PAWR: variants seen among roughly 807,000 people sequenced by gnomAD.
PAWR encodes the protein pro-apoptotic WT1 regulator.
A neutral mutation model predicts 32.0 loss-of-function variants in PAWR; 23 were observed. That is an observed-to-expected ratio of 0.72 (90% CI 0.52 to 1.02). The LOEUF is 1.02. PAWR is among the 50% of genes least tolerant of loss of function. The probability of loss-of-function intolerance (pLI) is 0.00; values close to 1 mark genes in which losing one functional copy is unlikely to be tolerated. For missense variants in PAWR, 457 were observed against 437.7 expected, an observed-to-expected ratio of 1.04 and a Z score of -0.39; for synonymous variants, 226 against 187.1, an observed-to-expected ratio of 1.21 and a Z score of -1.70.
At chr12:79,608,811 G>A (rs1390486536) in intron 4 of PAWR, among the ~76,000 whole-genome samples, 2 of 152,160 alleles carry the variant, frequency 1.3e-5, no homozygotes, top group African/African-American at 4.8e-5. Context: ...TTGGGAGGCT[G>A]AGGTGGGTGA....
At chr12:79,627,095 G>T in intron 2 of PAWR, among the ~76,000 whole-genome samples, 1 of 152,102 alleles carries the variant, frequency 6.6e-6, no homozygotes, top group East Asian at 1.9e-4. Flanking sequence ...AATCCTTTGG[G>T]TATATACCCA....
intron 2 of PAWR, among the ~76,000 whole-genome samples, chr12:79,667,645 G>A (rs1445782274): frequency 3.3e-5 from 5 of 152,150 alleles, no homozygotes; most frequent in Non-Finnish European, 5.9e-5. Context: ...GCACTGATTG[G>A]ACATTTGATA....
At chr12:79,667,117 G>T (rs565723621) in intron 2 of PAWR, among the ~76,000 whole-genome samples, 4 of 152,254 alleles carry the variant, frequency 2.6e-5, no homozygotes, top group Admixed American at 2.0e-4. Flanking sequence ...ACCACCTTGG[G>T]CACATGTTGT....
intron 6 of PAWR, among the ~76,000 whole-genome samples, chr12:79,593,669 T>TAAG (rs1440517226): frequency 6.9e-6 from 1 of 145,598 alleles, no homozygotes; most frequent in Non-Finnish European, 1.5e-5. Context: ...CAAAAAATAA[T>TAAG]AATAATAATA....
intron 2 of PAWR, among the ~76,000 whole-genome samples, chr12:79,682,540 A>G (rs1388168837): frequency 1.3e-5 from 2 of 152,208 alleles, no homozygotes; most frequent in East Asian, 1.9e-4. Flanking sequence ...ATCTCCAAAA[A>G]CTATCACAGA....
chr12:79,664,725 T>C (rs1295720114), intron 2 of PAWR, among the ~76,000 whole-genome samples: 1 of 150,336 alleles, frequency 6.7e-6, no homozygotes, highest in Non-Finnish European at 1.5e-5. Context: ...ACTCCTGGAC[T>C]CAAGTGATCC....
intron 2 of PAWR, among the ~76,000 whole-genome samples, chr12:79,675,463 A>G (rs765884207): frequency 6.6e-6 from 1 of 152,226 alleles, no homozygotes; most frequent in Non-Finnish European, 1.5e-5. Context: ...TATTCACAAT[A>G]GCAAAGATAA....
intron 2 of PAWR, among the ~76,000 whole-genome samples, chr12:79,648,751 T>C (rs191856947): frequency 2.7e-4 from 41 of 150,714 alleles, no homozygotes; most frequent in African/African-American, 9.1e-4. Context: ...ACTATGCCTT[T>C]GCACTCCATC....
intron 2 of PAWR, among the ~76,000 whole-genome samples, chr12:79,637,025 A>T (rs2136759726): frequency 6.6e-6 from 1 of 152,340 alleles, no homozygotes; most frequent in East Asian, 1.9e-4. Context: ...CTAAAATGAA[A>T]TACAGATTTT....
At chr12:79,667,108 C>T (rs954434186) in intron 2 of PAWR, among the ~76,000 whole-genome samples, 2 of 152,174 alleles carry the variant, frequency 1.3e-5, no homozygotes, top group African/African-American at 4.8e-5. Flanking sequence ...TGTGCCCCGA[C>T]CACCTTGGGC....
intron 2 of PAWR, among the ~76,000 whole-genome samples, chr12:79,636,002 CA>C (rs777955537): frequency 1.3e-5 from 2 of 151,580 alleles, no homozygotes; most frequent in African/African-American, 4.8e-5. Context: ...GTCATAAATA[CA>C]AAAAAAATCA....
intron 2 of PAWR, among the ~76,000 whole-genome samples, chr12:79,687,371 G>C (rs767304271): frequency 1.3e-5 from 2 of 152,078 alleles, no homozygotes; most frequent in Non-Finnish European, 2.9e-5. Context: ...CACAATAAAT[G>C]TATCACACAG....
chr12:79,686,746 G>A (rs1272455007), intron 2 of PAWR, among the ~76,000 whole-genome samples: 2 of 152,150 alleles, frequency 1.3e-5, no homozygotes, highest in African/African-American at 2.4e-5. Context: ...CTCAGGTCAA[G>A]ATTCTCATCC....
At chr12:79,659,987 G>A (rs1452559803) in intron 2 of PAWR, among the ~76,000 whole-genome samples, 1 of 152,126 alleles carries the variant, frequency 6.6e-6, no homozygotes, top group Non-Finnish European at 1.5e-5. Flanking sequence ...AAGGCTGCAG[G>A]AAATAATAGT....
intron 4 of PAWR, among the ~76,000 whole-genome samples, chr12:79,605,040 G>T (rs985163981): frequency 2.4e-4 from 36 of 151,616 alleles, no homozygotes; most frequent in African/African-American, 7.5e-4. Context: ...CACATGAATA[G>T]TTCTCAGATA....
At chr12:79,686,926 AATATAC>A (rs1878708074) in intron 2 of PAWR, among the ~76,000 whole-genome samples, 1 of 152,106 alleles carries the variant, frequency 6.6e-6, no homozygotes, top group Non-Finnish European at 1.5e-5. Context: ...GCTCCTTGAG[AATATAC>A]ACTGCCGTGT....
At chr12:79,663,040 T>TGA (rs1202589722) in intron 2 of PAWR, among the ~76,000 whole-genome samples, 3 of 152,204 alleles carry the variant, frequency 2.0e-5, no homozygotes, top group African/African-American at 7.2e-5. Context: ...ATTATACTAA[T>TGA]GAGAGCCTGT....
chr12:79,669,855 T>C (rs1301726581), intron 2 of PAWR, among the ~76,000 whole-genome samples: 3 of 151,980 alleles, frequency 2.0e-5, no homozygotes, highest in Non-Finnish European at 4.4e-5. Flanking sequence ...TGTGCACCAC[T>C]ATACTGGGCT....
At chr12:79,647,475 G>C (rs1876632995) in intron 2 of PAWR, among the ~76,000 whole-genome samples, 1 of 152,004 alleles carries the variant, frequency 6.6e-6, no homozygotes, top group Non-Finnish European at 1.5e-5. Flanking sequence ...ATCAACATCA[G>C]GTAAAATTAA....
Sources: gnomAD v4.1 joint callset for allele counts (sites outside exome capture counted in the v4.1 genomes callset) on GRCh38, gnomAD v4.1.1 for gene constraint, MANE v1.5 for transcripts, NCBI Gene and HGNC (gene_info 2026-07-23, HGNC 2026-07-21) for gene names.